Variants in FAM78B observed in about 807,000 individuals in gnomAD.
FAM78B encodes family with sequence similarity 78 member B, also known as protein FAM78B.
In FAM78B, 10 loss-of-function variants were observed where a neutral mutation model predicts 20.0. The ratio of observed to expected loss-of-function variants is 0.50; its 90% CI spans 0.31 to 0.85. The LOEUF is 0.85. FAM78B is among the 40% of genes least tolerant of loss of function. The pLI is 0.05. For missense variants in FAM78B, 283 were observed against 345.0 expected (o/e 0.82, Z 1.42); for synonymous variants, 135 against 132.8 (o/e 1.02, Z -0.12).
Position 166,166,071 on chromosome 1 carries a change from T to TG in FAM78B, c.177dup (p.Ile60HisfsTer36). 6.2e-7 allele frequency: 1 copy of TG among 1,613,416 alleles called. No individual in the cohort carries two copies. The highest frequency in any genetic ancestry group is 1.1e-5 in the South Asian group (1 of 91,034). On this transcript the variant is annotated frameshift_variant, in exon 1 of 2. Coordinates refer to ENST00000354422, the MANE Select transcript of FAM78B (RefSeq NM_001017961.5). LOFTEE classifies it high-confidence loss of function. The stretch of plus-strand genomic sequence containing the variant: ...ACCACCCAGGTCTCGTGGCGGGGGA[T>TG]GGGGGGCATGACCACGCGGGCGGAG...
chr1:166,083,804 T>C (rs981922681), intron 1 of FAM78B, among the ~76,000 whole-genome samples: 1 of 63,374 alleles, frequency 1.6e-5, no homozygotes, highest in Admixed American at 2.0e-4. Flanking sequence ...CCCAGCTTTT[T>C]TTTTTTTTTT....
At chr1:166,090,082 A>G (rs969142812) in intron 1 of FAM78B, among the ~76,000 whole-genome samples, 2 of 152,130 alleles carry the variant, frequency 1.3e-5, no homozygotes, top group Non-Finnish European at 2.9e-5. Flanking sequence ...TTTCAAAATA[A>G]AAGTGAGGTC....
In FAM78B at chr1:166,070,639, T is replaced by C; in HGVS notation, c.388A>G (p.Lys130Glu). ...ETVTLVGPTN[K>E]ISRFSVSMND... ...ATGCTGACGGAGAACCTGGAGATCT[T>C]GTTGGTGGGGCCAACCAGGGTCACA... The change falls in exon 2 of 2, where the codon AAG becomes GAG. Residue 130 changes from lysine to glutamate, a missense_variant. Transcript: ENST00000354422. 6.2e-7 allele frequency: 1 copy of C among 1,613,792 alleles called. No homozygotes were observed. Among genetic ancestry groups the C allele is most frequent in the Non-Finnish European group, 8.5e-7 (1 of 1,180,006 alleles).
chr1:166,096,195 C>A (rs1653267613), intron 1 of FAM78B, among the ~76,000 whole-genome samples: 1 of 152,198 alleles, frequency 6.6e-6, no homozygotes, highest in Non-Finnish European at 1.5e-5. Context: ...AAATTTTCAT[C>A]TTGACTTGCT....
At chr1:166,163,710 A>G (rs1168982784) in intron 1 of FAM78B, among the ~76,000 whole-genome samples, 1 of 152,214 alleles carries the variant, frequency 6.6e-6, no homozygotes, top group Non-Finnish European at 1.5e-5. Flanking sequence ...CCAGGCATAA[A>G]TATCTTGTGG....
At chr1:166,157,204 T>C (rs1385911435) in intron 1 of FAM78B, among the ~76,000 whole-genome samples, 1 of 152,010 alleles carries the variant, frequency 6.6e-6, no homozygotes, top group Non-Finnish European at 1.5e-5. Context: ...TGAATGCTTC[T>C]CTGTCCAGGG....
rs1651959524 is a variant in FAM78B, at chr1:166,070,090, A to C, written c.*151T>G. 1.5e-6 allele frequency: 2 copies of C among 1,343,108 alleles called. No individual in the cohort carries two copies. Among genetic ancestry groups the C allele is most frequent in the Non-Finnish European group, 9.6e-7 (1 of 1,041,486 alleles). The allele number at this position is 1,343,108 out of a possible 1,614,324, so 83.2% of individuals were successfully genotyped here. A position where few individuals can be genotyped will look rare whatever the true frequency, so the allele number is the denominator to read the frequency against. On this transcript the variant is annotated 3_prime_UTR_variant, in exon 2 of 2. Coordinates refer to ENST00000354422, the MANE Select transcript of FAM78B (RefSeq NM_001017961.5). ...AGGATTATGGTTCTACCACCCAAGGAGCAGCCCTACTCTTCAAAAGTGGCT... is the reference window on the plus strand; with the variant it reads ...AGGATTATGGTTCTACCACCCAAGGCGCAGCCCTACTCTTCAAAAGTGGCT...
At chr1:166,129,771 A>G (rs1654805132) in intron 1 of FAM78B, among the ~76,000 whole-genome samples, 2 of 151,848 alleles carry the variant, frequency 1.3e-5, no homozygotes, top group Non-Finnish European at 2.9e-5. Context: ...CCCTTCTCCT[A>G]CCACAATCAC....
At chr1:166,159,774 T>C (rs936998913) in intron 1 of FAM78B, among the ~76,000 whole-genome samples, 30 of 152,318 alleles carry the variant, frequency 2.0e-4, no homozygotes, top group African/African-American at 7.0e-4. Flanking sequence ...CCCTAATCAT[T>C]TGTTTCCTCC....
intron 1 of FAM78B, among the ~76,000 whole-genome samples, chr1:166,114,161 A>C (rs1265781108): frequency 6.6e-6 from 1 of 152,226 alleles, no homozygotes; most frequent in Non-Finnish European, 1.5e-5. Context: ...TGATGATAAA[A>C]ATACATTTCC....
chr1:166,106,748 GA>G (rs1490155710), intron 1 of FAM78B, among the ~76,000 whole-genome samples: 3 of 152,080 alleles, frequency 2.0e-5, no homozygotes, highest in African/African-American at 7.2e-5. Flanking sequence ...AAGGAAGCAA[GA>G]GTTGAAAAAC....
In FAM78B at chr1:166,166,168, G is replaced by A. The variant is rs1237407936; in HGVS notation, c.81C>T (p.Ile27=). 3 of 1,602,580 alleles carry A rather than the reference G, an allele frequency of 1.9e-6. No homozygotes were observed. The highest frequency in any genetic ancestry group is 2.6e-6 in the Non-Finnish European group (3 of 1,174,494). The change falls in exon 1 of 2, where the codon ATC becomes ATT. Residue 27 remains isoleucine (I), a synonymous_variant. Transcript: ENST00000354422. ...CCTCGATGCGCGTGGGGCACTGGTCGATGGTGGCGCACACATCGTACACCA... is the reference window on the plus strand; with the variant it reads ...CCTCGATGCGCGTGGGGCACTGGTCAATGGTGGCGCACACATCGTACACCA... The part of the protein sequence containing the change: ...NIVVYDVCAT[I]DQCPTRIEET...
At chr1:166,078,308 C>T (rs756067649) in intron 1 of FAM78B, among the ~76,000 whole-genome samples, 15 of 152,002 alleles carry the variant, frequency 9.9e-5, no homozygotes, top group Non-Finnish European at 1.9e-4. Flanking sequence ...GGATTACAGG[C>T]GTGAGCCACC....
intron 1 of FAM78B, among the ~76,000 whole-genome samples, chr1:166,140,402 G>A (rs998762530): frequency 1.3e-5 from 2 of 152,220 alleles, no homozygotes; most frequent in African/African-American, 4.8e-5. Context: ...ATTGTTGGGG[G>A]CCAGAAACCA....
chr1:166,160,077 G>T (rs1656085235), intron 1 of FAM78B, among the ~76,000 whole-genome samples: 1 of 152,214 alleles, frequency 6.6e-6, no homozygotes, highest in Non-Finnish European at 1.5e-5. Flanking sequence ...GGAAATGGCG[G>T]GGGGAGAATG....
At chr1:166,159,872 C>T (rs1656077499) in intron 1 of FAM78B, among the ~76,000 whole-genome samples, 1 of 152,224 alleles carries the variant, frequency 6.6e-6, no homozygotes, top group Admixed American at 6.5e-5. Context: ...AGTTAATCCT[C>T]TGCTGCTCCT....
intron 1 of FAM78B, among the ~76,000 whole-genome samples, chr1:166,165,274 C>G (rs908696045): frequency 2.0e-5 from 3 of 152,204 alleles, no homozygotes; most frequent in African/African-American, 7.2e-5. Context: ...TAAGAAACAC[C>G]CCGCGCCGCG....
At chr1:166,157,751 T>C (rs1462718914) in intron 1 of FAM78B, among the ~76,000 whole-genome samples, 1 of 152,122 alleles carries the variant, frequency 6.6e-6, no homozygotes, top group Non-Finnish European at 1.5e-5. Context: ...ATCCAGTACC[T>C]GGGTAGTCTG....
chr1:166,156,023 A>G (rs978446905), intron 1 of FAM78B, among the ~76,000 whole-genome samples: 1 of 152,130 alleles, frequency 6.6e-6, no homozygotes, highest in African/African-American at 2.4e-5. Context: ...GAAAGTGCTG[A>G]CTGCGGATGC....
Sources: allele counts gnomAD v4.1 joint callset (sites outside exome capture counted in the v4.1 genomes callset), GRCh38; gene constraint gnomAD v4.1.1; transcripts MANE v1.5; gene names NCBI Gene and HGNC (gene_info 2026-07-23, HGNC 2026-07-21).